The following TGFBR3 variants were observed in gnomAD, a reference collection of about 807,000 sequenced individuals.
TGFBR3 encodes the protein transforming growth factor beta receptor type 3.
TGFBR3 carries 46 observed loss-of-function variants against 87.9 expected under a neutral mutation model. The observed-to-expected ratio is 0.52, with a 90% CI of 0.41 to 0.67. The LOEUF is 0.67. TGFBR3 is among the 30% of genes least tolerant of loss of function. The probability of loss-of-function intolerance (pLI) is 0.00; values close to 1 mark genes in which losing one functional copy is unlikely to be tolerated. For missense variants in TGFBR3, 866 were observed against 1,041.9 expected (o/e 0.83, Z 2.32); for synonymous variants, 381 against 391.6 (o/e 0.97, Z 0.32).
chr1:91,773,616 A>G (rs752482723), intron 3 of TGFBR3, among the ~76,000 whole-genome samples: 1 of 152,252 alleles, frequency 6.6e-6, no homozygotes, highest in African/African-American at 2.4e-5. Flanking sequence ...CAGGAGGCAG[A>G]GGTTGCGGTG....
intron 2 of TGFBR3, among the ~76,000 whole-genome samples, chr1:91,855,776 T>A (rs1162288362): frequency 6.6e-6 from 1 of 152,192 alleles, no homozygotes; most frequent in Non-Finnish European, 1.5e-5. Context: ...CAAGCACTTA[T>A]TTTTTAAACT....
chr1:91,697,884 G>C (rs1671484562), intron 15 of TGFBR3, among the ~76,000 whole-genome samples: 1 of 152,056 alleles, frequency 6.6e-6, no homozygotes, highest in Non-Finnish European at 1.5e-5. Flanking sequence ...AGTGGTAAAG[G>C]TGAAAGGGAA....
In TGFBR3 at chr1:91,902,794, G is replaced by A. The variant is rs1006101042; in HGVS notation, c.-175+3032C>T. 6.6e-5 allele frequency among the ~76,000 whole-genome samples: 10 copies of A among 152,000 alleles called. 1 individual carries two copies. The South Asian group carries it at 1.5e-3, about 22-fold the overall frequency. ...CATGAAAACAAGGCATTTCACACAC[G>A]GATGATGGAGGTCAGGAGTAGAGTT... On this transcript the variant is annotated intron_variant, in intron 1 of 17. Coordinates refer to the TGFBR3 transcript ENST00000370399.
At chr1:91,847,326 G>A (rs747769467) in intron 2 of TGFBR3, among the ~76,000 whole-genome samples, 20 of 152,038 alleles carry the variant, frequency 1.3e-4, no homozygotes, top group South Asian at 8.3e-4. Flanking sequence ...AAGTAGGGCC[G>A]GGCGCGGTGG....
At chr1:91,840,383 G>A (rs539544814) in intron 2 of TGFBR3, among the ~76,000 whole-genome samples, 1 of 150,514 alleles carries the variant, frequency 6.6e-6, no homozygotes, top group Non-Finnish European at 1.5e-5. Context: ...TTTTACCAAT[G>A]CATGATTTTG....
intron 3 of TGFBR3, among the ~76,000 whole-genome samples, chr1:91,771,851 G>A (rs1190437500): frequency 6.6e-6 from 1 of 151,992 alleles, no homozygotes; most frequent in Non-Finnish European, 1.5e-5. Context: ...CACAATACCT[G>A]CCCTCAAGAA....
intron 1 of TGFBR3, 72 bp from the exon 2 acceptor site, chr1:91,861,716 G>A: frequency 1.5e-6 from 1 of 647,914 alleles, no homozygotes; most frequent in South Asian, 1.7e-5. Context: ...AAATTAAACA[G>A]AGAATTTCTG....
chr1:91,795,916 C>T (rs573372600), intron 3 of TGFBR3, among the ~76,000 whole-genome samples: 5 of 152,288 alleles, frequency 3.3e-5, no homozygotes, highest in Admixed American at 2.6e-4. Flanking sequence ...ACTCTGCACA[C>T]GTTCATGAGA....
At chr1:91,849,346 C>T (rs1043833054) in intron 2 of TGFBR3, among the ~76,000 whole-genome samples, 5 of 152,282 alleles carry the variant, frequency 3.3e-5, no homozygotes, top group Admixed American at 2.6e-4. Flanking sequence ...TCAGTTAACT[C>T]TCTGACTTCC....
intron 2 of TGFBR3, among the ~76,000 whole-genome samples, chr1:91,809,400 G>T (rs779194256): frequency 4.3e-4 from 65 of 152,196 alleles, no homozygotes; most frequent in Non-Finnish European, 2.2e-4. Flanking sequence ...CAGGGTCTGG[G>T]GTGCAGAGTC....
chr1:91,686,297 G>T (rs1430706491), intron 16 of TGFBR3, among the ~76,000 whole-genome samples: 1 of 152,068 alleles, frequency 6.6e-6, no homozygotes, highest in Admixed American at 6.5e-5. Flanking sequence ...TCAACTTCCC[G>T]AGTTTTGGGA....
intron 2 of TGFBR3, 87 bp from the exon 3 acceptor site, chr1:91,797,558 C>G: frequency 1.4e-6 from 2 of 1,455,174 alleles, no homozygotes; most frequent in South Asian, 2.3e-5. Context: ...CCACTGCCAA[C>G]CCACCAGAGA....
chr1:91,724,887 A>G (rs1010151109), intron 7 of TGFBR3, among the ~76,000 whole-genome samples: 7 of 152,234 alleles, frequency 4.6e-5, no homozygotes, highest in Non-Finnish European at 8.8e-5. Context: ...GGGAGGACTA[A>G]GGAAGGGAAT....
chr1:91,731,450 C>T (rs1672764643), intron 5 of TGFBR3, among the ~76,000 whole-genome samples: 2 of 152,192 alleles, frequency 1.3e-5, no homozygotes, highest in African/African-American at 2.4e-5. Flanking sequence ...ATTCCCCTCC[C>T]CCTCAGAGAG....
In TGFBR3 at chr1:91,865,913, C is replaced by CA. The variant is rs11330651; in HGVS notation, c.-113-4270dup. ...GGTGACAGAGCGAGACTACGTCTCC[C>CA]AAAAAAAAAAAAAAAAAGAAAATTC... is the stretch of plus-strand genomic sequence containing the variant. On this transcript the variant is annotated intron_variant, in intron 1 of 16. Transcript: ENST00000212355. Among the ~76,000 whole-genome samples, 470 of 108,742 alleles carry CA rather than the reference C, an allele frequency of 4.3e-3. 3 individuals carry two copies. The highest frequency in any genetic ancestry group is 0.013 in the African/African-American group (366 of 28,948). 71.3% of individuals were successfully genotyped at this position (108,742 alleles called of 152,430 possible).
chr1:91,740,248 C>T (rs1422042473), intron 4 of TGFBR3, among the ~76,000 whole-genome samples: 2 of 151,090 alleles, frequency 1.3e-5, no homozygotes, highest in African/African-American at 2.4e-5. Flanking sequence ...TTAGTAAAGA[C>T]GGGTTTCACC....
At position 91,700,299 on chromosome 1, in the gene TGFBR3, C is replaced by T. The variant is rs140211565; in HGVS notation, c.2288-2169G>A. On this transcript the variant is annotated intron_variant, in intron 14 of 16. Coordinates refer to ENST00000212355, the MANE Select transcript of TGFBR3 (RefSeq NM_003243.5). ...TCATTCACCACAGAAGGAACACACA[C>T]CTTATGTCTGAATTCACAGGGAAGC... is the stretch of plus-strand genomic sequence containing the variant. 2.1e-3 allele frequency among the ~76,000 whole-genome samples: 316 copies of T among 152,310 alleles called. 3 individuals are homozygous for T. Among genetic ancestry groups the T allele is most frequent in the African/African-American group, 6.9e-3 (288 of 41,556 alleles).
intron 1 of TGFBR3, among the ~76,000 whole-genome samples, chr1:91,873,087 A>C (rs1678645510): frequency 6.6e-6 from 1 of 151,880 alleles, no homozygotes. Context: ...CCTCAACTAC[A>C]GTCCCTTTAA....
chr1:91,697,187 A>G lies in TGFBR3; in HGVS notation c.2329+902T>C, dbSNP rs1671462092. On this transcript the variant is annotated intron_variant, in intron 15 of 16. Coordinates refer to ENST00000212355, the MANE Select transcript of TGFBR3 (RefSeq NM_003243.5). ...GATGCAAAAATTGAACATGATTACA[A>G]GTTTTTAATGAAACTATTCTAAATC... is the stretch of plus-strand genomic sequence containing the variant. 2.0e-5 allele frequency among the ~76,000 whole-genome samples: 3 copies of G among 152,302 alleles called. 1 individual carries two copies. In the South Asian group the frequency reaches 6.2e-4, roughly 32 times the overall value.
Sources: gnomAD v4.1 joint callset for allele counts (sites outside exome capture counted in the v4.1 genomes callset) on GRCh38, gnomAD v4.1.1 for gene constraint, MANE v1.5 for transcripts, NCBI Gene and HGNC (gene_info 2026-07-23, HGNC 2026-07-21) for gene names.